Variants in EVC observed in about 807,000 individuals in gnomAD.
The protein encoded by EVC is evC complex member EVC.
EVC carries 116 observed loss-of-function variants against 118.9 expected under a neutral mutation model. The ratio of observed to expected loss-of-function variants is 0.98; its 90% CI spans 0.84 to 1.14. The LOEUF (loss-of-function observed/expected upper bound fraction) is 1.14. Ranked by LOEUF, EVC falls within the 50% of genes most tolerant of loss-of-function variation. The probability of loss-of-function intolerance (pLI) is 0.00; values close to 1 mark genes in which losing one functional copy is unlikely to be tolerated. For synonymous variants in EVC, 619 were observed against 534.7 expected, an observed-to-expected ratio of 1.16 and a Z score of -2.18; for missense variants, 1,401 against 1,246.4, an observed-to-expected ratio of 1.12 and a Z score of -1.87.
rs752804668 is a variant in EVC, at chr4:5,755,789, G to A, written c.1465-475G>A. Among the ~76,000 whole-genome samples the A allele has an allele frequency of 2.6e-5, 4 of 152,124 alleles. No homozygotes were observed. Among genetic ancestry groups the A allele is most frequent in the Non-Finnish European group, 5.9e-5 (4 of 68,026 alleles). ...GCTGGGTCTCCCCCTGCTGATGCCC[G>A]GGTTAGCCCAGTCTCCTGCTGCTCT... On this transcript the variant is annotated intron_variant, in intron 10 of 20. Transcript: ENST00000264956. The surrounding 1 kb of genome is among the most constrained non-coding windows in gnomAD (Gnocchi z 4.1).
At position 5,754,317 on chromosome 4, in the gene EVC, G is replaced by T. The variant is rs1276312833; in HGVS notation, c.1464+384G>T. Among the ~76,000 whole-genome samples the T allele has an allele frequency of 6.6e-6, 1 of 152,180 alleles. No individual in the cohort carries two copies. Among genetic ancestry groups the T allele is most frequent in the African/African-American group, 2.4e-5 (1 of 41,452 alleles). Reference sequence around the variant, plus strand: ...GCAGGCTCACACACCCAGGGACAGGGCCCTTGTGGGTCGGCTGCAAGTCCA... The same window carrying T: ...GCAGGCTCACACACCCAGGGACAGGTCCCTTGTGGGTCGGCTGCAAGTCCA... On this transcript the variant is annotated intron_variant, in intron 10 of 20. Transcript: ENST00000264956. The surrounding 1 kb of genome is among the most constrained non-coding windows in gnomAD (Gnocchi z 5.8).
chr4:5,799,089 AG>A lies in EVC; in HGVS notation c.2304+298del, dbSNP rs1714506694. Among the ~76,000 whole-genome samples, 3 of 152,308 alleles carry A rather than the reference AG, an allele frequency of 2.0e-5. No homozygotes were observed. In the South Asian group the frequency reaches 6.2e-4, roughly 32 times the overall value. On this transcript the variant is annotated intron_variant, in intron 15 of 20. Transcript: ENST00000264956. ...CACTGAGTGAGACATGGTGTCACCCAGAGCCACACAGCTGGTCAGTGGCAGA... is the reference window on the plus strand; with the variant it reads ...CACTGAGTGAGACATGGTGTCACCCAAGCCACACAGCTGGTCAGTGGCAGA...
At chr4:5,822,056 A>C in the EVC span, among the ~76,000 whole-genome samples, 11,817 of 152,030 alleles carry the variant, frequency 0.078, 716 homozygotes, top group African/African-American at 0.17. Context: ...GGCTCCCCCC[A>C]CCTTCAGCCC....
At chr4:5,817,582 G>C (rs1471502180), downstream of EVC, among the ~76,000 whole-genome samples, 1 of 152,162 alleles carries the variant, frequency 6.6e-6, no homozygotes, top group Non-Finnish European at 1.5e-5. Flanking sequence ...CTTGCTAAGA[G>C]CCCCTTTTGC....
intron 11 of EVC, chr4:5,758,320 G>A: frequency 3.7e-6 from 2 of 545,580 alleles, no homozygotes; most frequent in Non-Finnish European, 3.2e-6. Flanking sequence ...CACCCAGTTT[G>A]CGGCGCTTTG....
chr4:5,799,756 T>C (rs1714638933), intron 15 of EVC, among the ~76,000 whole-genome samples: 1 of 152,184 alleles, frequency 6.6e-6, no homozygotes, highest in Admixed American at 6.5e-5. Flanking sequence ...CGAGTCACTT[T>C]GCGTGTCTGT....
intron 2 of EVC, among the ~76,000 whole-genome samples, chr4:5,724,632 A>G (rs865991845): frequency 6.6e-6 from 1 of 151,608 alleles, no homozygotes; most frequent in Middle Eastern, 3.4e-3. Context: ...GGAAGTGGAG[A>G]CAGTGACCTC....
In EVC at chr4:5,742,628, A is replaced by T. The variant is rs1728783909; in HGVS notation, c.801+814A>T. Among the ~76,000 whole-genome samples the T allele has an allele frequency of 6.6e-6, 1 of 152,086 alleles. No individual in the cohort carries two copies. Among genetic ancestry groups the T allele is most frequent in the South Asian group, 2.1e-4 (1 of 4,822 alleles). On this transcript the variant is annotated intron_variant, in intron 6 of 20. Transcript: ENST00000264956. This position sits in a 1 kb window ranked among gnomAD's most constrained non-coding sequence, Gnocchi z 5.2. ...CGCTGTCATCACCAACACCATCACCATCCTCATGTCCTCATTACCATCATC... is the reference window on the plus strand; with the variant it reads ...CGCTGTCATCACCAACACCATCACCTTCCTCATGTCCTCATTACCATCATC...
rs1262425000 is a variant in EVC, at chr4:5,719,313, C to T, written c.240C>T (p.Gly80=). Residue 80 remains glycine, a synonymous_variant, in exon 2 of 21, where the codon GGC becomes GGT. Coordinates refer to ENST00000264956, the MANE Select transcript of EVC (RefSeq NM_153717.3). The surrounding 1 kb of genome is among the most constrained non-coding windows in gnomAD (Gnocchi z 4.7). The part of the protein sequence containing the change: ...ESNAQTPSET[G]SPSRRRKREV... ...ATGCGCAGACCCCCTCGGAAACTGGCTCCCCATCAAGGAGGAGGAAGAGAG... is the reference window on the plus strand; with the variant it reads ...ATGCGCAGACCCCCTCGGAAACTGGTTCCCCATCAAGGAGGAGGAAGAGAG... 1 of 1,614,154 alleles carries T rather than the reference C, an allele frequency of 6.2e-7. No homozygotes were observed. Among genetic ancestry groups the T allele is most frequent in the Non-Finnish European group, 8.5e-7 (1 of 1,180,036 alleles).
intron 11 of EVC, among the ~76,000 whole-genome samples, chr4:5,776,416 T>A (rs529600714): frequency 1.3e-5 from 2 of 152,130 alleles, no homozygotes; most frequent in African/African-American, 4.8e-5. Flanking sequence ...TTAAAAAATA[T>A]TTACCTGAGT....
chr4:5,753,770 T>A lies in EVC; in HGVS notation c.1316-15T>A. 6.2e-7 allele frequency: 1 copy of A among 1,614,102 alleles called. No individual in the cohort carries two copies. The highest frequency in any genetic ancestry group is 8.5e-7 in the Non-Finnish European group (1 of 1,179,974). ...ACAGAGTCACCTCCTATGCTGTGGC[T>A]TTTTTCAATCCCAGAGTTTGTCCAG... On this transcript the variant is annotated splice_polypyrimidine_tract_variant and intron_variant, in intron 9 of 20. Coordinates refer to ENST00000264956, the MANE Select transcript of EVC (RefSeq NM_153717.3).
intron 4 of EVC, among the ~76,000 whole-genome samples, chr4:5,732,474 T>G (rs891311262): frequency 6.6e-6 from 1 of 152,234 alleles, no homozygotes; most frequent in Admixed American, 6.5e-5. Flanking sequence ...CTTTCAGCAT[T>G]TGGGACTTAG....
intron 1 of EVC, among the ~76,000 whole-genome samples, chr4:5,718,251 T>C (rs979109008): frequency 6.6e-6 from 1 of 151,956 alleles, no homozygotes; most frequent in African/African-American, 2.4e-5. Flanking sequence ...GGTCACAACA[T>C]TTCCATTAAC....
chr4:5,719,433 T>A lies in EVC; in HGVS notation c.300+60T>A, dbSNP rs1410423635. The stretch of plus-strand genomic sequence containing the variant: ...CATGTGGGAGGTGGGGTATTCCCCC[T>A]GGAAGCCGGGTGTCATGTAGACAAG... On this transcript the variant is annotated intron_variant, in intron 2 of 20. Coordinates refer to ENST00000264956, the MANE Select transcript of EVC (RefSeq NM_153717.3). This position sits in a 1 kb window ranked among gnomAD's most constrained non-coding sequence, Gnocchi z 4.7. The A allele has an allele frequency of 1.2e-6, 2 of 1,612,178 alleles. No homozygotes were observed. Among genetic ancestry groups the A allele is most frequent in the East Asian group, 2.2e-5 (1 of 44,838 alleles).
chr4:5,728,053 C>T (rs1393718594), intron 2 of EVC, among the ~76,000 whole-genome samples: 1 of 151,600 alleles, frequency 6.6e-6, no homozygotes, highest in Non-Finnish European at 1.5e-5. Context: ...CTTGGCGATG[C>T]GGGCTCTTTT....
At chr4:5,745,151 A>T in intron 6 of EVC, 53 bp from the exon 7 acceptor site, 1 of 1,548,560 alleles carries the variant, frequency 6.5e-7, no homozygotes, top group Non-Finnish European at 8.9e-7. Flanking sequence ...AATTTAAGAC[A>T]CGCTAAACTT....
chr4:5,806,182 C>T (rs1010573232), intron 17 of EVC, among the ~76,000 whole-genome samples: 6 of 151,842 alleles, frequency 4.0e-5, no homozygotes, highest in South Asian at 2.1e-4. Flanking sequence ...CGGGTTCAAG[C>T]GATTCTCTTG....
chr4:5,759,640 T>C (rs905788345), intron 11 of EVC, among the ~76,000 whole-genome samples: 5 of 152,182 alleles, frequency 3.3e-5, no homozygotes, highest in Non-Finnish European at 7.3e-5. Flanking sequence ...GAAATTGAGG[T>C]ACAGGTTAGA....
the EVC span, chr4:5,821,976 A>C: frequency 1.3e-4 from 108 of 834,160 alleles, no homozygotes. The surrounding 1 kb of genome is among the most constrained non-coding windows in gnomAD (Gnocchi z 4.4). Context: ...TCAGTCCAGG[A>C]CCAGCCATGG....
Sources: gnomAD v4.1 joint callset for allele counts (sites outside exome capture counted in the v4.1 genomes callset) on GRCh38, gnomAD v4.1.1 for gene constraint, Gnocchi (gnomAD v3.1) non-coding constraint, MANE v1.5 for transcripts, NCBI Gene and HGNC (gene_info 2026-07-23, HGNC 2026-07-21) for gene names.